The following ATP13A3 variants were observed in gnomAD, a reference collection of about 807,000 sequenced individuals.
ATP13A3 encodes the protein ATPase 13A3, also known as polyamine-transporting ATPase 13A3.
A neutral mutation model predicts 158.1 loss-of-function variants in ATP13A3; 59 were observed. The ratio of observed to expected loss-of-function variants is 0.37; its 90% CI spans 0.30 to 0.46. The LOEUF is 0.46. Among genes scored for constraint, ATP13A3 ranks in the 20% least tolerant of loss-of-function variants. The pLI is 1.00. For missense variants in ATP13A3, 1,166 were observed against 1,525.2 expected, an observed-to-expected ratio of 0.76 and a Z score of 3.92; for synonymous variants, 491 against 504.3, an observed-to-expected ratio of 0.97 and a Z score of 0.35.
intron 31 of ATP13A3, among the ~76,000 whole-genome samples, chr3:194,415,691 A>G (rs1715799879): frequency 1.0e-5 from 1 of 96,954 alleles, no homozygotes; most frequent in South Asian, 3.5e-4. Flanking sequence ...TTTTTTTGAG[A>G]CGGAGTCTCG....
chr3:194,419,988 A>G lies in ATP13A3; in HGVS notation c.3314-21T>C, dbSNP rs535153004. 44 of 1,505,118 alleles carry G rather than the reference A, an allele frequency of 2.9e-5. No individual in the cohort carries two copies. In the East Asian group the frequency reaches 1.0e-3, roughly 35 times the overall value. The allele number at this position is 1,505,118 out of a possible 1,614,324, so 93.2% of individuals were successfully genotyped here. On this transcript the variant is annotated intron_variant, in intron 30 of 33. Coordinates refer to ENST00000645319, the MANE Select transcript of ATP13A3 (RefSeq NM_001367549.1). ...AAAATCTGGAAAAGACAGCAAAAGT[A>G]AAACAAGTAAATTAGGAAATTCCTT...
intron 14 of ATP13A3, among the ~76,000 whole-genome samples, chr3:194,446,096 T>C (rs7434119): frequency 0.22 from 33,439 of 152,106 alleles, 4,204 homozygotes; most frequent in African/African-American, 0.35. Flanking sequence ...CTATTAATAC[T>C]ACTAGGCCTA....
chr3:194,444,212 T>C (rs1042700235), intron 15 of ATP13A3, among the ~76,000 whole-genome samples: 3 of 152,174 alleles, frequency 2.0e-5, no homozygotes, highest in Non-Finnish European at 4.4e-5. Context: ...CAAGGACTTA[T>C]GTGTAAGAAC....
chr3:194,459,594 T>G, intron 5 of ATP13A3, 53 bp from the exon 6 acceptor site: 1 of 1,419,644 alleles, frequency 7.0e-7, no homozygotes, highest in African/African-American at 1.4e-5. Flanking sequence ...ACTTGTGATA[T>G]GTAATCTGTT....
intron 33 of ATP13A3, among the ~76,000 whole-genome samples, chr3:194,408,457 C>T (rs1057285115): frequency 1.2e-4 from 18 of 152,180 alleles, no homozygotes; most frequent in African/African-American, 4.1e-4. Context: ...AACAGCAATG[C>T]GTACGTAGCA....
At chr3:194,420,017 A>G (rs773847444) in intron 30 of ATP13A3, 50 bp from the exon 31 acceptor site, 1 of 1,454,650 alleles carries the variant, frequency 6.9e-7, no homozygotes, top group African/African-American at 1.5e-5. Flanking sequence ...ATTCCTTTAT[A>G]TAAAAAGGCA....
chr3:194,409,745 CG>C, intron 33 of ATP13A3, among the ~76,000 whole-genome samples: 1 of 132,622 alleles, frequency 7.5e-6, no homozygotes, highest in African/African-American at 3.2e-5. Flanking sequence ...TATTAACACC[CG>C]GGGCTGCCAA....
intron 9 of ATP13A3, 95 bp downstream of exon 9, chr3:194,454,163 A>C: frequency 8.2e-7 from 1 of 1,219,360 alleles, no homozygotes; most frequent in Non-Finnish European, 1.1e-6. Flanking sequence ...GACTGCATTG[A>C]GAATTTACTT....
chr3:194,487,933 C>T (rs1215410225), upstream of ATP13A3: 2 of 152,458 alleles, frequency 1.3e-5, no homozygotes, highest in Non-Finnish European at 2.9e-5. Context: ...AGCAGGGAGC[C>T]CTTAGTCCCT....
At chr3:194,429,154 C>A (rs997084691) in intron 27 of ATP13A3, among the ~76,000 whole-genome samples, 1 of 151,972 alleles carries the variant, frequency 6.6e-6, no homozygotes, top group African/African-American at 2.4e-5. Flanking sequence ...ATAGGCTGGG[C>A]GCGGTGACTC....
chr3:194,430,348 A>C (rs1246173788), intron 24 of ATP13A3, 33 bp from the exon 25 acceptor site: 2 of 1,596,058 alleles, frequency 1.3e-6, no homozygotes, highest in African/African-American at 2.7e-5. Context: ...GATTTTAATT[A>C]ATTTCTTAAA....
chr3:194,419,930 A>G lies in ATP13A3; in HGVS notation c.3351T>C (p.Phe1117=). 1 of 1,538,310 alleles carries G rather than the reference A, an allele frequency of 6.5e-7. No homozygotes were observed. Among genetic ancestry groups the G allele is most frequent in the African/African-American group, 1.4e-5 (1 of 70,292 alleles). The change falls in exon 31 of 34, where the codon TTT becomes TTC. Residue 1117 remains phenylalanine, a synonymous_variant. Transcript: ENST00000645319. The stretch of plus-strand genomic sequence containing the variant: ...CTGGATACAACATGATGAATAATAT[A>G]AAAATATATAAAAAAATCACAGAAA... ...FVFSVIFLYI[F]ILFIMLYPVA... is the part of the protein sequence containing the mutation.
At chr3:194,421,436 C>T (rs1216024203) in intron 30 of ATP13A3, among the ~76,000 whole-genome samples, 1 of 149,256 alleles carries the variant, frequency 6.7e-6, no homozygotes, top group African/African-American at 2.5e-5. Flanking sequence ...GCCTGTAGTC[C>T]CAGCTTCTCG....
chr3:194,469,405 G>C (rs1333611826), intron 2 of ATP13A3, among the ~76,000 whole-genome samples: 1 of 151,994 alleles, frequency 6.6e-6, no homozygotes, highest in Non-Finnish European at 1.5e-5. Flanking sequence ...GGGTTGCAAT[G>C]AGCAGAGATC....
chr3:194,462,284 G>C (rs1287604387), intron 2 of ATP13A3, 48 bp from the exon 3 acceptor site: 1 of 1,233,544 alleles, frequency 8.1e-7, no homozygotes, highest in African/African-American at 1.5e-5. Flanking sequence ...TTCTATCTTA[G>C]TAGACGATAC....
intron 8 of ATP13A3, among the ~76,000 whole-genome samples, chr3:194,455,083 ATGTT>A (rs1243976387): frequency 6.6e-6 from 1 of 152,234 alleles, no homozygotes; most frequent in Non-Finnish European, 1.5e-5. Flanking sequence ...AAATTGAAAA[ATGTT>A]TGCTTACTAT....
chr3:194,411,226 C>G (rs1159865771), intron 33 of ATP13A3, among the ~76,000 whole-genome samples: 3 of 152,024 alleles, frequency 2.0e-5, no homozygotes, highest in Admixed American at 2.0e-4. Context: ...AGGAAGGTAC[C>G]ACTTAGGTAA....
intron 33 of ATP13A3, among the ~76,000 whole-genome samples, chr3:194,410,937 G>GGTGTGTGT (rs34952393): frequency 0.025 from 3,122 of 127,204 alleles, 45 homozygotes; most frequent in Non-Finnish European, 0.036. Context: ...GGGGTGTTGG[G>GGTGTGTGT]GTGTGTGTGT....
At position 194,430,172 on chromosome 3, in the gene ATP13A3, T is replaced by G. The variant is rs1433158765; in HGVS notation, c.2677A>C (p.Arg893=). The G allele has an allele frequency of 6.2e-7, 1 of 1,613,904 alleles. No individual in the cohort carries two copies. Among genetic ancestry groups the G allele is most frequent in the African/African-American group, 1.3e-5 (1 of 74,926 alleles). Residue 893 remains arginine (R), a synonymous_variant, in exon 26 of 34, where the codon AGG becomes CGG. Transcript: ENST00000645319. ...GATAAGGAAATGCCTCCGTGTGCCCTCTTCAAAGCCTAATAATTTTAAGAA... is the reference window on the plus strand; with the variant it reads ...GATAAGGAAATGCCTCCGTGTGCCCGCTTCAAAGCCTAATAATTTTAAGAA... ...DGANDCGALK[R]AHGGISLSEL...
Sources: gnomAD v4.1 joint callset for allele counts (sites outside exome capture counted in the v4.1 genomes callset) on GRCh38, gnomAD v4.1.1 for gene constraint, MANE v1.5 for transcripts, NCBI Gene and HGNC (gene_info 2026-07-23, HGNC 2026-07-21) for gene names.